Variants in MFSD11 observed in about 807,000 individuals in gnomAD.
The protein encoded by MFSD11 is major facilitator superfamily domain containing 11, also known as UNC93-like protein MFSD11.
A neutral mutation model predicts 53.5 loss-of-function variants in MFSD11; 36 were observed. The ratio of observed to expected loss-of-function variants is 0.67; its 90% CI spans 0.52 to 0.89. MFSD11 has a LOEUF of 0.89. MFSD11 is among the 40% of genes least tolerant of loss of function. MFSD11 has a pLI of 0.00. For synonymous variants in MFSD11, 186 were observed against 184.9 expected (o/e 1.01, Z -0.05); for missense variants, 530 against 543.9 (o/e 0.97, Z 0.25).
chr17:76,768,305 C>CAA (rs78066438), intron 9 of MFSD11, among the ~76,000 whole-genome samples: 10 of 46,710 alleles, frequency 2.1e-4, no homozygotes, highest in Middle Eastern at 0.011. Flanking sequence ...ACCTCCGTCT[C>CAA]AAAAAAAAAA....
At chr17:76,773,626 T>G (rs1174127725) in intron 10 of MFSD11, among the ~76,000 whole-genome samples, 2 of 152,342 alleles carry the variant, frequency 1.3e-5, no homozygotes, top group South Asian at 2.1e-4. Context: ...ATTTTTTTTT[T>G]CCAGACGGAG....
intron 7 of MFSD11, among the ~76,000 whole-genome samples, chr17:76,751,118 C>T (rs1234519446): frequency 3.3e-5 from 5 of 149,734 alleles, no homozygotes; most frequent in Admixed American, 6.7e-5. Context: ...TGGCTGGGTG[C>T]AGTGGCTCAC....
rs1406502365 is a variant in MFSD11 at position 76,769,798 on chromosome 17, A to G, written c.801A>G (p.Thr267=). The G allele has an allele frequency of 6.2e-7, 1 of 1,612,838 alleles. No homozygotes were observed. The highest frequency in any genetic ancestry group is 8.5e-7 in the Non-Finnish European group (1 of 1,179,380). Residue 267 remains threonine, a synonymous_variant, in exon 10 of 13, where the codon ACA becomes ACG. Transcript: ENST00000685175. The stretch of plus-strand genomic sequence containing the variant: ...TATATGGAACCTGTATTGGTGCTAC[A>G]AATAAATTTGGAGCAGAAGAGAAAA... The part of the protein sequence containing the change: ...SGVYGTCIGA[T]NKFGAEEKSL...
chr17:76,737,308 G>A (rs549741156), upstream of MFSD11: 584 of 1,158,358 alleles, frequency 5.0e-4, no homozygotes, highest in South Asian at 9.1e-4. Flanking sequence ...GGGCTCCGCA[G>A]GCTAGCGCAC....
chr17:76,791,894 C>G, the MFSD11 span, among the ~76,000 whole-genome samples: 9 of 142,772 alleles, frequency 6.3e-5, no homozygotes, highest in South Asian at 1.6e-3. Context: ...GAGATCAACT[C>G]TTTCATTTTA....
rs2081877275 is a variant in MFSD11 at position 76,776,828 on chromosome 17, T to C, written c.1185+287T>C. On this transcript the variant is annotated intron_variant, in intron 12 of 12. Transcript: ENST00000685175. The surrounding 1 kb of genome is among the most constrained non-coding windows in gnomAD (Gnocchi z 4.2). ...GCTAATTTTTGTATTTTTTTTTTCT[T>C]TTTAGCAGAGGCAGGGTTTCACCAC... Among the ~76,000 whole-genome samples, 1 of 151,950 alleles carries C rather than the reference T, an allele frequency of 6.6e-6. No individual in the cohort carries two copies. The highest frequency in any genetic ancestry group is 1.5e-5 in the Non-Finnish European group (1 of 67,966).
chr17:76,800,554 T>C, the MFSD11 span, among the ~76,000 whole-genome samples: 4 of 152,218 alleles, frequency 2.6e-5, no homozygotes, highest in African/African-American at 9.6e-5. Flanking sequence ...TATTAATCTT[T>C]TTTTCAAGAA....
At position 76,763,645 on chromosome 17, in the gene MFSD11, A is replaced by G. The variant is rs2080505906; in HGVS notation, c.683-3741A>G. 2.0e-5 allele frequency among the ~76,000 whole-genome samples: 3 copies of G among 152,044 alleles called. No individual in the cohort carries two copies. The South Asian group carries it at 6.2e-4, about 31-fold the overall frequency. On this transcript the variant is annotated intron_variant, in intron 8 of 12. Coordinates refer to ENST00000685175, the MANE Select transcript of MFSD11 (RefSeq NM_001242532.5). ...AAGAGTTCTTTATATATTCTAGATAAAAGTTCTATATATATGATTTACAAA... is the reference window on the plus strand; with the variant it reads ...AAGAGTTCTTTATATATTCTAGATAGAAGTTCTATATATATGATTTACAAA...
chr17:76,769,713 T>TA, intron 9 of MFSD11, 33 bp from the exon 10 acceptor site: 2 of 1,543,774 alleles, frequency 1.3e-6, no homozygotes. Flanking sequence ...TGTGAATATA[T>TA]AAATGACATC....
chr17:76,796,255 C>T, the MFSD11 span, among the ~76,000 whole-genome samples: 3 of 152,132 alleles, frequency 2.0e-5, no homozygotes, highest in Non-Finnish European at 4.4e-5. Flanking sequence ...TCCCACCTCC[C>T]TGTGAAGCCT....
intron 11 of MFSD11, among the ~76,000 whole-genome samples, chr17:76,775,524 C>T (rs1011479049): frequency 1.1e-4 from 17 of 152,080 alleles, no homozygotes; most frequent in Admixed American, 2.0e-4. Context: ...ACCTGGCAAC[C>T]GGGGAGGCCA....
intron 7 of MFSD11, among the ~76,000 whole-genome samples, chr17:76,748,833 T>C (rs1037958009): frequency 2.6e-5 from 4 of 152,126 alleles, no homozygotes; most frequent in Non-Finnish European, 4.4e-5. Context: ...TCCTCTCTTC[T>C]TTCCTCCCTC....
At chr17:76,749,542 A>AG (rs2078857694) in intron 7 of MFSD11, among the ~76,000 whole-genome samples, 2 of 122,808 alleles carry the variant, frequency 1.6e-5, no homozygotes, top group African/African-American at 6.1e-5. Flanking sequence ...AAAAAAAAAA[A>AG]GAAGAAGAAG....
At chr17:76,757,637 T>C (rs2079786755) in intron 8 of MFSD11, among the ~76,000 whole-genome samples, 2 of 152,198 alleles carry the variant, frequency 1.3e-5, no homozygotes, top group South Asian at 4.1e-4. Flanking sequence ...GTTCGTAAAG[T>C]TTTTAAACAT....
At position 76,741,881 on chromosome 17, in the gene MFSD11, G is replaced by T. The variant is rs547546534; in HGVS notation, c.261-88G>T. The T allele has an allele frequency of 7.7e-5, 122 of 1,583,422 alleles. No homozygotes were observed. The South Asian group carries it at 1.0e-3, about 13-fold the overall frequency. On this transcript the variant is annotated intron_variant, in intron 3 of 12. Transcript: ENST00000685175. Reference sequence around the variant, plus strand: ...TTACAGGTTGAGTTTTAAAAGAAGAGAATGTCAGAACTGATTCCTAGAAGG... The same window carrying T: ...TTACAGGTTGAGTTTTAAAAGAAGATAATGTCAGAACTGATTCCTAGAAGG...
In MFSD11 at chr17:76,744,192, T is replaced by G. The variant is rs191080581; in HGVS notation, c.497-130T>G. Reference sequence around the variant, plus strand: ...TCCTATTTGTCTCCTTTTCCTAGGTTTTTACTGATGCATTAAAGTAAAAAT... The same window carrying G: ...TCCTATTTGTCTCCTTTTCCTAGGTGTTTACTGATGCATTAAAGTAAAAAT... On this transcript the variant is annotated intron_variant, in intron 6 of 12. Coordinates refer to ENST00000685175, the MANE Select transcript of MFSD11 (RefSeq NM_001242532.5). The G allele has an allele frequency of 2.1e-5, 17 of 824,152 alleles. No individual in the cohort carries two copies. The Admixed American group carries it at 2.3e-4, about 11-fold the overall frequency. The allele number at this position is 824,152 out of a possible 1,614,324, so 51.1% of individuals were successfully genotyped here. A position where few individuals can be genotyped will look rare whatever the true frequency, so the allele number is the denominator to read the frequency against.
intron 10 of MFSD11, among the ~76,000 whole-genome samples, chr17:76,773,709 G>A (rs2081568318): frequency 6.6e-6 from 1 of 152,108 alleles, no homozygotes. Flanking sequence ...CTGGGTTCAA[G>A]CGATTCTCCT....
chr17:76,801,343 G>C, the MFSD11 span, among the ~76,000 whole-genome samples: 1 of 145,446 alleles, frequency 6.9e-6, no homozygotes, highest in Non-Finnish European at 1.5e-5. Context: ...CTAGCCAGGG[G>C]CACAGAGCAA....
chr17:76,803,049 C>G, the MFSD11 span, among the ~76,000 whole-genome samples: 4 of 151,856 alleles, frequency 2.6e-5, no homozygotes, highest in South Asian at 4.2e-4. Context: ...CCCAGCTACT[C>G]GAGAGGCTGA....
Sources: allele counts gnomAD v4.1 joint callset (sites outside exome capture counted in the v4.1 genomes callset), GRCh38; gene constraint gnomAD v4.1.1; non-coding constraint Gnocchi (gnomAD v3.1); transcripts MANE v1.5; gene names NCBI Gene and HGNC (gene_info 2026-07-23, HGNC 2026-07-21).